The following PHACTR4 variants were observed in gnomAD, a reference collection of about 807,000 sequenced individuals.
PHACTR4 encodes phosphatase and actin regulator 4, also known as protein phosphatase 1, regulatory subunit 124.
In PHACTR4, 51 loss-of-function variants were observed where a neutral mutation model predicts 72.7. The ratio of observed to expected loss-of-function variants is 0.70; its 90% CI spans 0.56 to 0.89. The LOEUF is 0.89. Ranked by LOEUF, PHACTR4 falls within the 40% of genes least tolerant of loss-of-function variation. The pLI is 0.00. For missense variants in PHACTR4, 731 were observed against 861.8 expected (o/e 0.85, Z 1.90); for synonymous variants, 255 against 302.5 (o/e 0.84, Z 1.63).
At chr1:28,432,014 G>A (rs1656298850) in intron 2 of PHACTR4, among the ~76,000 whole-genome samples, 1 of 151,652 alleles carries the variant, frequency 6.6e-6, no homozygotes, top group Non-Finnish European at 1.5e-5. Flanking sequence ...TTCGAGACGA[G>A]CCTGACCAAC....
intron 1 of PHACTR4, among the ~76,000 whole-genome samples, chr1:28,405,663 A>G (rs1388025802): frequency 1.3e-5 from 2 of 151,842 alleles, no homozygotes; most frequent in African/African-American, 2.4e-5. Flanking sequence ...TTCAGTGACC[A>G]GGGAATGACC....
chr1:28,475,643 A>G (rs1570072150), intron 7 of PHACTR4, among the ~76,000 whole-genome samples: 1 of 152,210 alleles, frequency 6.6e-6, no homozygotes, highest in East Asian at 1.9e-4. Flanking sequence ...TTTCTTAGTA[A>G]GATTGTTAAA....
intron 7 of PHACTR4, among the ~76,000 whole-genome samples, chr1:28,475,599 G>T (rs1329888003): frequency 6.6e-6 from 1 of 152,098 alleles, no homozygotes; most frequent in Non-Finnish European, 1.5e-5. Context: ...GTAAAGCTGG[G>T]ATCTGAACCC....
chr1:28,443,532 C>A (rs1657204604), intron 2 of PHACTR4, among the ~76,000 whole-genome samples: 1 of 151,996 alleles, frequency 6.6e-6, no homozygotes, highest in African/African-American at 2.4e-5. Flanking sequence ...ACTGCAGCTT[C>A]AGCCTCCTAG....
intron 4 of PHACTR4, 99 bp downstream of exon 4, chr1:28,460,391 C>A: frequency 1.1e-6 from 1 of 879,968 alleles, no homozygotes; most frequent in Non-Finnish European, 1.7e-6. Context: ...TTTTATATTG[C>A]TATTTTTGGG....
chr1:28,409,721 G>A (rs1413737787), intron 2 of PHACTR4, among the ~76,000 whole-genome samples: 3 of 151,968 alleles, frequency 2.0e-5, no homozygotes, highest in Non-Finnish European at 4.4e-5. Flanking sequence ...GCAATCATCT[G>A]GCTCAGATTA....
At chr1:28,486,927 C>T (rs186983319) in intron 9 of PHACTR4, among the ~76,000 whole-genome samples, 1 of 151,882 alleles carries the variant, frequency 6.6e-6, no homozygotes, top group Non-Finnish European at 1.5e-5. Flanking sequence ...CTTTGGGAGG[C>T]TGAGCTGGGG....
At chr1:28,392,128 C>T (rs1158699354) in intron 1 of PHACTR4, among the ~76,000 whole-genome samples, 2 of 152,094 alleles carry the variant, frequency 1.3e-5, no homozygotes, top group African/African-American at 4.8e-5. Context: ...AAAAGAAATT[C>T]CAGCAACAAA....
intron 4 of PHACTR4, among the ~76,000 whole-genome samples, chr1:28,461,676 G>A (rs181153971): frequency 6.6e-6 from 1 of 150,850 alleles, no homozygotes; most frequent in Non-Finnish European, 1.5e-5. Context: ...AGTTGAGGTG[G>A]GAACATGGGT....
chr1:28,388,949 G>A (rs6598929), intron 1 of PHACTR4, among the ~76,000 whole-genome samples: 58,653 of 151,914 alleles, frequency 0.39, 13,018 homozygotes, highest in African/African-American at 0.6. Context: ...TCATGACTTG[G>A]TCTGGGCAAT....
chr1:28,407,402 C>G lies in PHACTR4; in HGVS notation c.-38-8C>G. On this transcript the variant is annotated splice_region_variant and splice_polypyrimidine_tract_variant and intron_variant, in intron 1 of 13. Transcript: ENST00000373839. ...TTAAGTGTATCATTTACCTTTTTCTCTTTTTAGAAACAGTATCTCACCTCC... is the reference window on the plus strand; with the variant it reads ...TTAAGTGTATCATTTACCTTTTTCTGTTTTTAGAAACAGTATCTCACCTCC... The G allele has an allele frequency of 6.5e-7, 1 of 1,549,670 alleles. No individual in the cohort carries two copies. The highest frequency in any genetic ancestry group is 1.8e-5 in the Admixed American group (1 of 56,856).
At chr1:28,490,316 G>A (rs942912098) in intron 10 of PHACTR4, among the ~76,000 whole-genome samples, 2 of 152,092 alleles carry the variant, frequency 1.3e-5, no homozygotes, top group Non-Finnish European at 2.9e-5. Context: ...TGGATCACAA[G>A]GTCAGGAGAT....
At chr1:28,418,795 A>G (rs1303125742) in intron 2 of PHACTR4, among the ~76,000 whole-genome samples, 1 of 151,536 alleles carries the variant, frequency 6.6e-6, no homozygotes, top group Non-Finnish European at 1.5e-5. Context: ...TACTAAAAAT[A>G]CAAAATTTAG....
At chr1:28,376,343 ACT>A (rs1046928761) in intron 1 of PHACTR4, among the ~76,000 whole-genome samples, 1 of 149,564 alleles carries the variant, frequency 6.7e-6, no homozygotes, top group African/African-American at 2.5e-5. Context: ...ACAGAGTCTT[ACT>A]CTGTCACCTA....
At chr1:28,462,508 T>C (rs1467242166) in intron 4 of PHACTR4, among the ~76,000 whole-genome samples, 1 of 152,050 alleles carries the variant, frequency 6.6e-6, no homozygotes, top group East Asian at 1.9e-4. Context: ...GCTGGAATTA[T>C]AGGCATGCAT....
intron 2 of PHACTR4, among the ~76,000 whole-genome samples, chr1:28,412,941 C>A (rs1000386014): frequency 2.0e-5 from 3 of 152,092 alleles, no homozygotes; most frequent in Non-Finnish European, 4.4e-5. Flanking sequence ...AGCAGGAGTA[C>A]CCTGCACCAC....
intron 1 of PHACTR4, among the ~76,000 whole-genome samples, chr1:28,396,982 C>T (rs887678691): frequency 4.6e-5 from 7 of 151,782 alleles, no homozygotes; most frequent in African/African-American, 7.3e-5. Flanking sequence ...TGTGAGCCAC[C>T]GTGCCTGGCC....
chr1:28,485,315 G>A (rs1199882442), intron 9 of PHACTR4, among the ~76,000 whole-genome samples: 6 of 152,318 alleles, frequency 3.9e-5, no homozygotes, highest in African/African-American at 7.2e-5. Context: ...TAGACTGGGC[G>A]CGGTGGCTCA....
chr1:28,443,263 G>GTCTTTCTTTCCTTCTTTCTTTCTT (rs144990301), intron 2 of PHACTR4, among the ~76,000 whole-genome samples: 4 of 150,982 alleles, frequency 2.6e-5, no homozygotes, highest in Non-Finnish European at 2.9e-5. Flanking sequence ...GGATTTCATT[G>GTCTTTCTTTCCTTCTTTCTTTCTT]TCTTTCTTTC....
Sources: allele counts gnomAD v4.1 joint callset (sites outside exome capture counted in the v4.1 genomes callset), GRCh38; gene constraint gnomAD v4.1.1; transcripts MANE v1.5; gene names NCBI Gene and HGNC (gene_info 2026-07-23, HGNC 2026-07-21).